MYL3: variants seen among roughly 807,000 people sequenced by gnomAD.
MYL3 encodes the protein CMLC1.
MYL3 carries 11 observed loss-of-function variants against 21.3 expected under a neutral mutation model. The observed-to-expected ratio is 0.52, with a 90% CI of 0.32 to 0.85. The LOEUF (loss-of-function observed/expected upper bound fraction) is 0.85. Ranked by LOEUF, MYL3 falls within the 40% of genes least tolerant of loss-of-function variation. The probability of loss-of-function intolerance (pLI) is 0.03; values close to 1 mark genes in which losing one functional copy is unlikely to be tolerated. For synonymous variants in MYL3, 88 were observed against 91.6 expected (o/e 0.96, Z 0.22); for missense variants, 206 against 253.3 (o/e 0.81, Z 1.27).
Position 46,863,361 on chromosome 3 carries a change from C to T in MYL3, c.30G>A (p.Lys10=), listed in dbSNP as rs779002620. MAPKKPEPK[K]DDAKAAPKAA... ...CCTTGGGGGCTGCCTTGGCATCATC[C>T]TTCTTGGGCTCTGGCTTTTTGGGGG... Residue 10 remains lysine, a synonymous_variant, in exon 1 of 7, where the codon AAG becomes AAA. Coordinates refer to ENST00000292327, the MANE Select transcript of MYL3 (RefSeq NM_000258.3). 5 of 1,613,662 alleles carry T rather than the reference C, an allele frequency of 3.1e-6. No homozygotes were observed. The highest frequency in any genetic ancestry group is 1.6e-4 in the Middle Eastern group (1 of 6,082).
upstream of MYL3, among the ~76,000 whole-genome samples, chr3:46,868,183 G>A (rs1257810544): frequency 1.3e-5 from 2 of 152,176 alleles, no homozygotes; most frequent in African/African-American, 4.8e-5. Flanking sequence ...CTTGAGAGAT[G>A]GAAAAGAGTA....
chr3:46,864,495 C>T (rs1702028260), upstream of MYL3, among the ~76,000 whole-genome samples: 1 of 152,306 alleles, frequency 6.6e-6, no homozygotes, highest in African/African-American at 2.4e-5. This position sits in a 1 kb window ranked among gnomAD's most constrained non-coding sequence, Gnocchi z 4.7. Context: ...CACCCCAGGC[C>T]TGGCTCCCCA....
chr3:46,875,949 C>T (rs988933106), intron 1 of MYL3, among the ~76,000 whole-genome samples: 8 of 152,264 alleles, frequency 5.3e-5, no homozygotes, highest in African/African-American at 1.7e-4. Context: ...CAAAATACAA[C>T]TTCCTGTCCC....
At chr3:46,862,185 C>T (rs950341033) in intron 1 of MYL3, among the ~76,000 whole-genome samples, 9 of 152,286 alleles carry the variant, frequency 5.9e-5, no homozygotes, top group East Asian at 1.9e-4. Flanking sequence ...CACTATGGGC[C>T]GTGGCTGTGG....
At chr3:46,865,574 C>T (rs1164366732), upstream of MYL3, among the ~76,000 whole-genome samples, 2 of 152,188 alleles carry the variant, frequency 1.3e-5, no homozygotes, top group East Asian at 3.9e-4. The surrounding 1 kb of genome is among the most constrained non-coding windows in gnomAD (Gnocchi z 4.3). Flanking sequence ...TATACAGGGC[C>T]CTCTCTCCCA....
upstream of MYL3, among the ~76,000 whole-genome samples, chr3:46,863,990 GTC>G (rs1702021916): frequency 6.6e-6 from 1 of 151,834 alleles, no homozygotes; most frequent in East Asian, 1.9e-4. Flanking sequence ...GTGTCTGTGG[GTC>G]TCTCTGTGTC....
chr3:46,877,664 ATAAT>A (rs1381896420), intron 1 of MYL3: 2 of 152,086 alleles, frequency 1.3e-5, no homozygotes, highest in South Asian at 2.1e-4. Context: ...TTGGTAAAAA[ATAAT>A]TAATTTTCTT....
chr3:46,863,377 T>C lies in MYL3; in HGVS notation c.14A>G (p.Lys5Arg). The change falls in exon 1 of 7, where the codon AAG (lysine) becomes AGG (arginine). Residue 5 changes from lysine (K) to arginine (R), a missense_variant. Transcript: ENST00000292327. MAPK[K>R]PEPKKDDAKA... ...GGCATCATCCTTCTTGGGCTCTGGC[T>C]TTTTGGGGGCCATTGGGGGCTGTAA... 6.2e-7 allele frequency: 1 copy of C among 1,613,302 alleles called. No homozygotes were observed. The highest frequency in any genetic ancestry group is 8.5e-7 in the Non-Finnish European group (1 of 1,179,924).
At chr3:46,862,271 A>G (rs1462714468) in intron 1 of MYL3, among the ~76,000 whole-genome samples, 1 of 152,146 alleles carries the variant, frequency 6.6e-6, no homozygotes, top group Non-Finnish European at 1.5e-5. Flanking sequence ...TATACTCTGA[A>G]TGGTTCCCAG....
intron 1 of MYL3, among the ~76,000 whole-genome samples, chr3:46,870,113 C>T (rs928972594): frequency 2.0e-5 from 3 of 151,962 alleles, no homozygotes; most frequent in African/African-American, 7.3e-5. Context: ...CAAATGTTGC[C>T]CCAGGAAAGG....
intron 1 of MYL3, among the ~76,000 whole-genome samples, chr3:46,877,138 T>A (rs1575502650): frequency 6.6e-6 from 1 of 151,198 alleles, no homozygotes; most frequent in East Asian, 2.0e-4. Flanking sequence ...GGGCAAGGAG[T>A]CAGATATGAG....
At chr3:46,871,972 G>A (rs916788194) in intron 1 of MYL3, among the ~76,000 whole-genome samples, 12 of 152,196 alleles carry the variant, frequency 7.9e-5, no homozygotes, top group Admixed American at 7.9e-4. Flanking sequence ...TGGGGAGAGA[G>A]AACTCAGTTC....
chr3:46,870,816 G>A (rs1702102286), intron 1 of MYL3, among the ~76,000 whole-genome samples: 1 of 152,116 alleles, frequency 6.6e-6, no homozygotes, highest in Admixed American at 6.5e-5. Context: ...CTTTCCACCA[G>A]TACTGGGACA....
chr3:46,858,138 G>A, intron 6 of MYL3, 37 bp from the exon 7 acceptor site: 2 of 1,409,762 alleles, frequency 1.4e-6, no homozygotes, highest in Non-Finnish European at 2.0e-6. Flanking sequence ...AGAGGAGGAG[G>A]GAGACGGAGG....
chr3:46,874,851 A>T lies in MYL3; in HGVS notation c.-218+7223T>A, dbSNP rs1398710272. ...CAGGACCCGCTTTGGACCCCCAACC[A>T]GTGTCCCCAGTGGCTGGCCAGGTTG... On this transcript the variant is annotated intron_variant, in intron 1 of 3. Coordinates refer to the MYL3 transcript ENST00000431168. The surrounding 1 kb of genome is among the most constrained non-coding windows in gnomAD (Gnocchi z 4.1). Among the ~76,000 whole-genome samples, 1 of 151,898 alleles carries T rather than the reference A, an allele frequency of 6.6e-6. No individual in the cohort carries two copies. Among genetic ancestry groups the T allele is most frequent in the Non-Finnish European group, 1.5e-5 (1 of 67,948 alleles).
chr3:46,858,069 T>G lies in MYL3; in HGVS notation c.*46A>C. ...TGGTGTCAGCATCACACATGGGAGATGAGACGTCCCTGCACAGCCTTCCCT... is the reference window on the plus strand; with the variant it reads ...TGGTGTCAGCATCACACATGGGAGAGGAGACGTCCCTGCACAGCCTTCCCT... On this transcript the variant is annotated 3_prime_UTR_variant, in exon 7 of 7. Coordinates refer to ENST00000292327, the MANE Select transcript of MYL3 (RefSeq NM_000258.3). 1 of 800,200 alleles carries G rather than the reference T, an allele frequency of 1.2e-6. No individual in the cohort carries two copies. Among genetic ancestry groups the G allele is most frequent in the Non-Finnish European group, 2.1e-6 (1 of 478,720 alleles). The allele number at this position is 800,200 out of a possible 1,614,324, so 49.6% of individuals were successfully genotyped here. A position where few individuals can be genotyped will look rare whatever the true frequency, so the allele number is the denominator to read the frequency against.
rs1036990950 is a variant in MYL3 at position 46,879,526 on chromosome 3, T to C, written c.-218+2548A>G. Reference sequence around the variant, plus strand: ...GGGAGGCCGAGGCAGGAGGACTGCTTGAGCCCAAGAGTTGGAGACCAGTCT... The same window carrying C: ...GGGAGGCCGAGGCAGGAGGACTGCTCGAGCCCAAGAGTTGGAGACCAGTCT... On this transcript the variant is annotated intron_variant, in intron 1 of 3. Transcript: ENST00000431168. This position sits in a 1 kb window ranked among gnomAD's most constrained non-coding sequence, Gnocchi z 4.7. Among the ~76,000 whole-genome samples the C allele has an allele frequency of 2.0e-5, 3 of 151,492 alleles. No individual in the cohort carries two copies. Among genetic ancestry groups the C allele is most frequent in the African/African-American group, 7.3e-5 (3 of 41,172 alleles).
chr3:46,876,881 G>A (rs1178109321), intron 1 of MYL3, among the ~76,000 whole-genome samples: 1 of 152,198 alleles, frequency 6.6e-6, no homozygotes, highest in South Asian at 2.1e-4. Context: ...CACAGGGCCT[G>A]GGGGTGAGGT....
chr3:46,880,659 G>A (rs1046705349), intron 1 of MYL3, among the ~76,000 whole-genome samples: 2 of 152,150 alleles, frequency 1.3e-5, no homozygotes, highest in Admixed American at 6.5e-5. Context: ...CCTGGGAAGC[G>A]GAGGTTGCAG....
Sources: allele counts gnomAD v4.1 joint callset (sites outside exome capture counted in the v4.1 genomes callset), GRCh38; gene constraint gnomAD v4.1.1; non-coding constraint Gnocchi (gnomAD v3.1); transcripts MANE v1.5; gene names NCBI Gene and HGNC (gene_info 2026-07-23, HGNC 2026-07-21).